The following TDP1 variants were observed in gnomAD, a reference collection of about 807,000 sequenced individuals.
The protein encoded by TDP1 is tyrosyl-DNA phosphodiesterase 1.
TDP1 carries 64 observed loss-of-function variants against 81.5 expected under a neutral mutation model. The observed-to-expected ratio is 0.79, with a 90% CI of 0.64 to 0.97. The LOEUF (loss-of-function observed/expected upper bound fraction) is 0.97, where lower values mean the gene tolerates loss of function less well. TDP1 is among the 50% of genes least tolerant of loss of function. The probability of loss-of-function intolerance (pLI) is 0.00; values close to 1 mark genes in which losing one functional copy is unlikely to be tolerated. For missense variants in TDP1, 723 were observed against 743.8 expected (o/e 0.97, Z 0.33); for synonymous variants, 256 against 264.3 (o/e 0.97, Z 0.30).
chr14:89,998,375 TATATATATATATATATATATATATA>T lies in TDP1; in HGVS notation c.1541+4893_1541+4917del, dbSNP rs1896837159. ...TCCAGGCACAGTTCCAAGCACATTA[TATATATATATATATATATATATATA>T]TATATATATATATATATATATATGT... On this transcript the variant is annotated intron_variant, in intron 14 of 16. Transcript: ENST00000335725. Among the ~76,000 whole-genome samples, 3 of 4,150 alleles carry T rather than the reference TATATATATATATATATATATATATA, an allele frequency of 7.2e-4. 1 individual carries two copies. Among genetic ancestry groups the T allele is most frequent in the African/African-American group, 1.0e-3 (3 of 2,868 alleles). The allele number at this position is 4,150 out of a possible 152,430, so 2.7% of individuals were successfully genotyped here. A position where few individuals can be genotyped will look rare whatever the true frequency, so the allele number is the denominator to read the frequency against.
chr14:90,023,714 C>G (rs954408969), intron 15 of TDP1, among the ~76,000 whole-genome samples: 1 of 151,978 alleles, frequency 6.6e-6, no homozygotes, highest in Non-Finnish European at 1.5e-5. Context: ...TCCTTTGAGA[C>G]AGGCTCTTGC....
chr14:90,037,042 G>C (rs977886066), intron 16 of TDP1, among the ~76,000 whole-genome samples: 8 of 152,112 alleles, frequency 5.3e-5, no homozygotes, highest in Non-Finnish European at 1.0e-4. Flanking sequence ...GAACTCCTGG[G>C]CTCAAGTAGT....
intron 14 of TDP1, among the ~76,000 whole-genome samples, chr14:90,016,219 T>A (rs1228221574): frequency 2.6e-5 from 4 of 152,004 alleles, no homozygotes; most frequent in Admixed American, 2.0e-4. Flanking sequence ...TAATTTTGTA[T>A]TTTTAGTGGA....
Position 89,979,967 on chromosome 14 carries a change from C to CA in TDP1, c.792-567dup, listed in dbSNP as rs555256122. On this transcript the variant is annotated intron_variant, in intron 7 of 16. Coordinates refer to ENST00000335725, the MANE Select transcript of TDP1 (RefSeq NM_018319.4). The stretch of plus-strand genomic sequence containing the variant: ...TTGACAAGTGTGGCATCTATGGATA[C>CA]AAAAAACCACTAATGGTAATGAAGC... Among the ~76,000 whole-genome samples, 24 of 152,134 alleles carry CA rather than the reference C, an allele frequency of 1.6e-4. No homozygotes were observed. In the East Asian group the frequency reaches 3.1e-3, roughly 20 times the overall value.
Position 90,033,088 on chromosome 14 carries a change from T to C in TDP1, c.1645-18T>C. On this transcript the variant is annotated intron_variant, in intron 15 of 16. Transcript: ENST00000335725. ...AGAAAATGGGGTGCAATCATAGATT[T>C]CCTCTGTGTGTCTGCAGGGTCTAGA... is the stretch of plus-strand genomic sequence containing the variant. 1 of 1,548,322 alleles carries C rather than the reference T, an allele frequency of 6.5e-7. No individual in the cohort carries two copies. Among genetic ancestry groups the C allele is most frequent in the Non-Finnish European group, 8.9e-7 (1 of 1,120,420 alleles).
intron 15 of TDP1, among the ~76,000 whole-genome samples, chr14:90,024,011 C>T (rs973920643): frequency 2.0e-5 from 3 of 152,134 alleles, no homozygotes; most frequent in African/African-American, 7.2e-5. Flanking sequence ...ACATGCTGGG[C>T]GAATCAGCTG....
chr14:89,959,590 G>T (rs1337284569), intron 2 of TDP1, among the ~76,000 whole-genome samples: 1 of 152,144 alleles, frequency 6.6e-6, no homozygotes, highest in Non-Finnish European at 1.5e-5. Context: ...GCATATTTTT[G>T]AGTTTCAGCA....
At chr14:89,955,224 G>A (rs1891447824), upstream of TDP1, 1 of 152,786 alleles carries the variant, frequency 6.5e-6, no homozygotes, top group Admixed American at 6.5e-5. Flanking sequence ...GATAATCCCA[G>A]CACCTAGCAC....
intron 13 of TDP1, among the ~76,000 whole-genome samples, chr14:89,992,276 AT>A (rs1276127467): frequency 6.6e-6 from 1 of 152,196 alleles, no homozygotes; most frequent in East Asian, 1.9e-4. Context: ...CATAAGCAGC[AT>A]TTTAGTTCAT....
intron 2 of TDP1, among the ~76,000 whole-genome samples, chr14:89,958,995 ATTTG>A (rs2139902061): frequency 6.6e-6 from 1 of 152,356 alleles, no homozygotes; most frequent in East Asian, 1.9e-4. Context: ...AAACCCTGCT[ATTTG>A]TTCAAAATCA....
intron 14 of TDP1, among the ~76,000 whole-genome samples, chr14:90,009,687 A>G (rs1884469855): frequency 1.3e-5 from 2 of 152,258 alleles, no homozygotes; most frequent in Non-Finnish European, 2.9e-5. Context: ...AAGTAAAACT[A>G]TATTTGCAGA....
chr14:89,958,385 G>A (rs975231249), intron 2 of TDP1: 1 of 152,294 alleles, frequency 6.6e-6, no homozygotes, highest in Non-Finnish European at 1.5e-5. Flanking sequence ...AACCGAAGGG[G>A]AAAAGGGCGG....
intron 14 of TDP1, among the ~76,000 whole-genome samples, chr14:89,997,173 C>T (rs1013775113): frequency 6.6e-6 from 1 of 152,158 alleles, no homozygotes; most frequent in Non-Finnish European, 1.5e-5. Context: ...GCGTTCTTTC[C>T]CTATTCACTG....
chr14:89,959,087 G>A (rs1892023389), intron 2 of TDP1, among the ~76,000 whole-genome samples: 1 of 152,222 alleles, frequency 6.6e-6, no homozygotes, highest in Non-Finnish European at 1.5e-5. Flanking sequence ...GGAAAGGGAA[G>A]TACTTTCATA....
Position 89,984,501 on chromosome 14 carries a change from T to C in TDP1, c.885-15T>C, listed in dbSNP as rs375601290. 2.1e-5 allele frequency: 34 copies of C among 1,613,796 alleles called. No homozygotes were observed. The African/African-American group carries it at 4.4e-4, about 21-fold the overall frequency. ...TTGTGTGCCTGACTGTTAAAGGTTA[T>C]TTTTTTAATTCCAGAATATGGTTGA... is the stretch of plus-strand genomic sequence containing the variant. On this transcript the variant is annotated splice_polypyrimidine_tract_variant and intron_variant, in intron 8 of 16. Coordinates refer to ENST00000335725, the MANE Select transcript of TDP1 (RefSeq NM_018319.4).
intron 14 of TDP1, among the ~76,000 whole-genome samples, chr14:90,006,906 A>G (rs980317152): frequency 6.6e-6 from 1 of 151,714 alleles, no homozygotes; most frequent in African/African-American, 2.4e-5. Context: ...GTTGCTGTTG[A>G]ACTCCTGAGC....
At chr14:90,041,834 T>C (rs1413839503) in intron 16 of TDP1, among the ~76,000 whole-genome samples, 2 of 152,248 alleles carry the variant, frequency 1.3e-5, no homozygotes, top group Non-Finnish European at 2.9e-5. Context: ...GTAAAAGTGA[T>C]CTGTTGAAAT....
chr14:90,008,421 A>G (rs1015300699), intron 14 of TDP1, among the ~76,000 whole-genome samples: 1 of 152,156 alleles, frequency 6.6e-6, no homozygotes, highest in Non-Finnish European at 1.5e-5. Flanking sequence ...CTTGGATACC[A>G]TATGTTTCAT....
intron 3 of TDP1, among the ~76,000 whole-genome samples, chr14:89,964,444 G>A (rs1020142447): frequency 2.0e-5 from 3 of 152,058 alleles, no homozygotes; most frequent in South Asian, 4.2e-4. Flanking sequence ...CAGAAAAATG[G>A]GAGCAAATAT....
Sources: gnomAD v4.1 joint callset for allele counts (sites outside exome capture counted in the v4.1 genomes callset) on GRCh38, gnomAD v4.1.1 for gene constraint, MANE v1.5 for transcripts, NCBI Gene and HGNC (gene_info 2026-07-23, HGNC 2026-07-21) for gene names.